Variants in NDUFA10 observed in about 807,000 individuals in gnomAD.
NDUFA10 encodes NADH dehydrogenase [ubiquinone] 1 alpha subcomplex subunit 10, mitochondrial.
NDUFA10 carries 40 observed loss-of-function variants against 47.8 expected under a neutral mutation model. That is an observed-to-expected ratio of 0.84 (90% CI 0.65 to 1.09). The LOEUF is 1.09. Ranked by LOEUF, NDUFA10 falls within the 50% of genes least tolerant of loss-of-function variation. NDUFA10 has a pLI of 0.00. For missense variants in NDUFA10, 413 were observed against 451.1 expected, an observed-to-expected ratio of 0.92 and a Z score of 0.76; for synonymous variants, 183 against 172.2, an observed-to-expected ratio of 1.06 and a Z score of -0.49.
intron 9 of NDUFA10, among the ~76,000 whole-genome samples, chr2:239,985,452 C>G (rs1339970875): frequency 2.7e-5 from 4 of 149,000 alleles, no homozygotes; most frequent in Non-Finnish European, 4.4e-5. Context: ...TTTAGAAGAA[C>G]ACATCTAGGC....
At chr2:239,990,865 C>T (rs1165689522) in intron 8 of NDUFA10, among the ~76,000 whole-genome samples, 2 of 151,850 alleles carry the variant, frequency 1.3e-5, no homozygotes, top group Non-Finnish European at 2.9e-5. Flanking sequence ...AATATAACCA[C>T]TATACTTAAA....
intron 4 of NDUFA10, 133 bp downstream of exon 4, chr2:240,018,420 G>A: frequency 1.3e-6 from 2 of 1,566,120 alleles, no homozygotes; most frequent in East Asian, 4.8e-5. Context: ...TTCCAGCGGA[G>A]ACCGATTAAG....
chr2:240,022,492 G>T, intron 1 of NDUFA10, 152 bp from the exon 2 acceptor site: 1 of 1,223,732 alleles, frequency 8.2e-7, no homozygotes, highest in Non-Finnish European at 1.2e-6. Context: ...TTAATTATCT[G>T]TCTATCCCCC....
chr2:239,948,800 T>C (rs1430141210), intron 4 of NDUFA10, among the ~76,000 whole-genome samples: 1 of 152,186 alleles, frequency 6.6e-6, no homozygotes, highest in African/African-American at 2.4e-5. Flanking sequence ...CCTCCCTCCT[T>C]GGGGACTTCA....
At chr2:240,011,758 C>G (rs1409968385) in intron 5 of NDUFA10, 62 bp from the exon 6 acceptor site, 1 of 1,408,978 alleles carries the variant, frequency 7.1e-7, no homozygotes, top group Admixed American at 1.7e-5. Context: ...TTGACCTGTG[C>G]GTATATAAAA....
chr2:240,007,374 T>C lies in NDUFA10; in HGVS notation c.750-4A>G, dbSNP rs1486741216. On this transcript the variant is annotated splice_region_variant and splice_polypyrimidine_tract_variant and intron_variant, in intron 6 of 9. Coordinates refer to ENST00000252711, the MANE Select transcript of NDUFA10 (RefSeq NM_004544.4). ...TTGTAAAACCTCACATTTTTCACTG[T>C]AAGAAAAAACAAGATGAAATTCAGT... The C allele has an allele frequency of 1.3e-6, 2 of 1,575,790 alleles. No individual in the cohort carries two copies. The highest frequency in any genetic ancestry group is 2.2e-5 in the East Asian group (1 of 44,690).
chr2:239,899,638 G>A lies in NDUFA10; in HGVS notation c.295-4324C>T, dbSNP rs891391822. ...GTCTCCAACTCAACAAAGTCAGTTA[G>A]TAAGGCAGGTGGACATCAGAGCCAA... is the stretch of plus-strand genomic sequence containing the variant. On this transcript the variant is annotated intron_variant, in intron 4 of 5. Coordinates refer to the NDUFA10 transcript ENST00000419408. Among the ~76,000 whole-genome samples, 5 of 152,176 alleles carry A rather than the reference G, an allele frequency of 3.3e-5. No individual in the cohort carries two copies. The East Asian group carries it at 5.8e-4, about 18-fold the overall frequency.
chr2:239,952,026 G>A (rs893482212), intron 4 of NDUFA10, among the ~76,000 whole-genome samples: 7 of 152,232 alleles, frequency 4.6e-5, no homozygotes, highest in Non-Finnish European at 1.0e-4. Context: ...GGCCGGCAGG[G>A]GCCAAAGGCT....
At chr2:239,966,572 C>G (rs934710728) in intron 9 of NDUFA10, among the ~76,000 whole-genome samples, 1 of 152,158 alleles carries the variant, frequency 6.6e-6, no homozygotes, top group Non-Finnish European at 1.5e-5. Flanking sequence ...GTATTGGACA[C>G]GCTCATCAAA....
At chr2:239,961,519 G>A (rs919928460) in intron 9 of NDUFA10, among the ~76,000 whole-genome samples, 1 of 152,196 alleles carries the variant, frequency 6.6e-6, no homozygotes, top group African/African-American at 2.4e-5. Flanking sequence ...GGGAGGCCCT[G>A]AGCAGGGACA....
At position 239,987,736 on chromosome 2, in the gene NDUFA10, G is replaced by A. The variant is rs116162357; in HGVS notation, c.999+2338C>T. On this transcript the variant is annotated intron_variant, in intron 9 of 9. Transcript: ENST00000252711. The surrounding 1 kb of genome is among the most constrained non-coding windows in gnomAD (Gnocchi z 4.8). ...GGGAAGGGGTGGGCAGCCGTGGGGC[G>A]AATGCGCAGGCAGAGCTGCCGAGCA... Among the ~76,000 whole-genome samples, 4,232 of 152,292 alleles carry A rather than the reference G, an allele frequency of 0.028. 205 individuals carry two copies. The highest frequency in any genetic ancestry group is 0.097 in the African/African-American group (4,030 of 41,542).
chr2:239,994,997 G>A (rs896318289), intron 8 of NDUFA10, among the ~76,000 whole-genome samples: 9 of 152,132 alleles, frequency 5.9e-5, no homozygotes, highest in South Asian at 2.1e-4. Flanking sequence ...GGAAGAGGCC[G>A]GGTGCGGCGA....
chr2:239,983,459 A>C (rs1451670316), intron 9 of NDUFA10: 6 of 1,522,594 alleles, frequency 3.9e-6, no homozygotes, highest in Non-Finnish European at 5.3e-6. Context: ...TCATTTTTTA[A>C]TATCAAGCAA....
At chr2:239,902,870 G>C (rs1158337121) in intron 4 of NDUFA10, among the ~76,000 whole-genome samples, 1 of 152,008 alleles carries the variant, frequency 6.6e-6, no homozygotes, top group Non-Finnish European at 1.5e-5. Flanking sequence ...TGCGGAAGGG[G>C]GCTGGGCTCC....
At chr2:239,956,281 C>T (rs1228724850), downstream of NDUFA10, among the ~76,000 whole-genome samples, 3 of 152,294 alleles carry the variant, frequency 2.0e-5, no homozygotes, top group South Asian at 2.1e-4. Context: ...GTCTGACGCA[C>T]GGTGATAACT....
At position 239,959,727 on chromosome 2, in the gene NDUFA10, G is replaced by C. The variant is rs552149779; in HGVS notation, c.*1391C>G. 1.1e-5 allele frequency: 8 copies of C among 742,668 alleles called. No homozygotes were observed. The highest frequency in any genetic ancestry group is 6.7e-4 in the Middle Eastern group (1 of 1,496). 46.0% of individuals were successfully genotyped at this position (742,668 alleles called of 1,614,324 possible). A position where few individuals can be genotyped will look rare whatever the true frequency, so the allele number is the denominator to read the frequency against. On this transcript the variant is annotated 3_prime_UTR_variant, in exon 10 of 10. Transcript: ENST00000252711. ...GGCAGGGAGGAAAACAAGGACAGACGGAAGGAAGGAAGAGAAGGAGGGAAG... is the reference window on the plus strand; with the variant it reads ...GGCAGGGAGGAAAACAAGGACAGACCGAAGGAAGGAAGAGAAGGAGGGAAG...
At chr2:239,977,337 G>A (rs1695570424) in intron 9 of NDUFA10, among the ~76,000 whole-genome samples, 1 of 152,214 alleles carries the variant, frequency 6.6e-6, no homozygotes, top group African/African-American at 2.4e-5. Context: ...TCCCGCCACT[G>A]TCCCTGAGTA....
rs2106390309 is a variant in NDUFA10 at position 239,958,955 on chromosome 2, T to C, written c.*2163A>G. On this transcript the variant is annotated 3_prime_UTR_variant, in exon 10 of 10. Transcript: ENST00000252711. ...TGGTTTGTTGGTGCTGTTGTTTTAG[T>C]TGTAAGAGCTTTCGTGAGACGAACG... is the stretch of plus-strand genomic sequence containing the variant. 1.0e-6 allele frequency: 1 copy of C among 985,454 alleles called. No homozygotes were observed. Among genetic ancestry groups the C allele is most frequent in the Non-Finnish European group, 1.2e-6 (1 of 829,948 alleles). The allele number at this position is 985,454 out of a possible 1,614,324, so 61.0% of individuals were successfully genotyped here.
intron 8 of NDUFA10, among the ~76,000 whole-genome samples, chr2:240,001,939 C>T (rs936792694): frequency 6.6e-6 from 1 of 152,174 alleles, no homozygotes. Context: ...GGAGTAGGCA[C>T]TGTAACCCTT....
Sources: gnomAD v4.1 joint callset for allele counts (sites outside exome capture counted in the v4.1 genomes callset) on GRCh38, gnomAD v4.1.1 for gene constraint, Gnocchi (gnomAD v3.1) non-coding constraint, MANE v1.5 for transcripts, NCBI Gene and HGNC (gene_info 2026-07-23, HGNC 2026-07-21) for gene names.